The following TMEM266 variants were observed in gnomAD, a reference collection of about 807,000 sequenced individuals.
TMEM266 encodes Hv1 related protein 1.
Under a neutral mutation model 50.5 loss-of-function variants are expected in TMEM266, and 33 were observed. The ratio of observed to expected loss-of-function variants is 0.65; its 90% confidence interval spans 0.50 to 0.87. The LOEUF is 0.87. Ranked by LOEUF, TMEM266 falls within the 40% of genes least tolerant of loss-of-function variation. The probability of loss-of-function intolerance (pLI) is 0.00; values close to 1 mark genes in which losing one functional copy is unlikely to be tolerated. For missense variants in TMEM266, 655 were observed against 695.1 expected (o/e 0.94, Z 0.65); for synonymous variants, 310 against 292.3 (o/e 1.06, Z -0.62).
chr15:76,189,921 A>G (rs946074007), intron 8 of TMEM266, among the ~76,000 whole-genome samples: 9 of 152,218 alleles, frequency 5.9e-5, no homozygotes, highest in Non-Finnish European at 1.2e-4. Flanking sequence ...AGCCTCAGGC[A>G]GGAAGCTGAA....
chr15:76,148,381 C>T (rs2037788268), intron 3 of TMEM266, among the ~76,000 whole-genome samples: 1 of 152,134 alleles, frequency 6.6e-6, no homozygotes, highest in South Asian at 2.1e-4. Flanking sequence ...CGTTCTCACC[C>T]GGTAGGAAGC....
chr15:76,175,143 G>T, intron 7 of TMEM266: 1 of 171,304 alleles, frequency 5.8e-6, no homozygotes, highest in Non-Finnish European at 1.2e-5. Flanking sequence ...AGTGTGTGCA[G>T]GCTCCAGGGC....
chr15:76,085,244 C>T (rs1177857773), intron 1 of TMEM266, among the ~76,000 whole-genome samples: 1 of 151,728 alleles, frequency 6.6e-6, no homozygotes, highest in African/African-American at 2.4e-5. Flanking sequence ...CAGGCTTGAG[C>T]CACCGCGCCC....
At chr15:76,126,006 T>C (rs527763784) in intron 1 of TMEM266, among the ~76,000 whole-genome samples, 3 of 152,074 alleles carry the variant, frequency 2.0e-5, no homozygotes, top group Admixed American at 2.0e-4. Flanking sequence ...CAGTGAGATA[T>C]CACCTCACAC....
At chr15:76,143,033 T>C (rs2037703997) in intron 3 of TMEM266, among the ~76,000 whole-genome samples, 1 of 152,132 alleles carries the variant, frequency 6.6e-6, no homozygotes, top group Non-Finnish European at 1.5e-5. Context: ...GATGACCTCC[T>C]CTCCCAGTAC....
At chr15:76,175,057 T>G (rs1368700262) in intron 7 of TMEM266, 2 of 153,596 alleles carry the variant, frequency 1.3e-5, no homozygotes, top group Non-Finnish European at 2.9e-5. Context: ...CTGGGTCATA[T>G]GGTCACTCTC....
intron 4 of TMEM266, among the ~76,000 whole-genome samples, chr15:76,158,665 TA>T (rs368172133): frequency 6.6e-6 from 1 of 152,114 alleles, no homozygotes; most frequent in African/African-American, 2.4e-5. Context: ...AAGCAAACCG[TA>T]AAAAAAGGCA....
At chr15:76,158,995 A>G (rs1673650341) in intron 4 of TMEM266, among the ~76,000 whole-genome samples, 2 of 151,038 alleles carry the variant, frequency 1.3e-5, no homozygotes, top group South Asian at 4.2e-4. Context: ...TCCCTGCTGA[A>G]GGCACTGGGC....
intron 1 of TMEM266, among the ~76,000 whole-genome samples, chr15:76,083,935 G>A (rs955253361): frequency 2.6e-5 from 4 of 152,118 alleles, no homozygotes; most frequent in African/African-American, 9.7e-5. Context: ...TTAGGATGGG[G>A]TCAGGCTCTG....
chr15:76,114,058 G>A (rs148944753), intron 1 of TMEM266: 5 of 152,314 alleles, frequency 3.3e-5, no homozygotes, highest in African/African-American at 1.2e-4. Flanking sequence ...CCCTTTATCA[G>A]TACTTCTCTT....
chr15:76,129,111 C>A (rs1332091115), intron 1 of TMEM266, among the ~76,000 whole-genome samples: 2 of 152,128 alleles, frequency 1.3e-5, no homozygotes, highest in Non-Finnish European at 2.9e-5. Flanking sequence ...GAAAAAGGGA[C>A]AACAAAATTA....
chr15:76,136,662 T>G (rs1353862743), intron 2 of TMEM266, among the ~76,000 whole-genome samples: 1 of 152,200 alleles, frequency 6.6e-6, no homozygotes, highest in Non-Finnish European at 1.5e-5. Flanking sequence ...GGCACAAGAC[T>G]GAGCCCCTCA....
chr15:76,112,655 A>G (rs2037187403), intron 1 of TMEM266: 1 of 152,090 alleles, frequency 6.6e-6, no homozygotes, highest in South Asian at 2.1e-4. Flanking sequence ...GATTATTGAG[A>G]CTTTTTGAAT....
rs954199782 is a variant in TMEM266, at chr15:76,153,919, G to C, written c.228-2685G>C. Among the ~76,000 whole-genome samples, 11 of 152,186 alleles carry C rather than the reference G, an allele frequency of 7.2e-5. No homozygotes were observed. The highest frequency in any genetic ancestry group is 2.7e-4 in the African/African-American group (11 of 41,446). Reference sequence around the variant, plus strand: ...AGCTTTAGGCTTCTGGGAGCCTCCAGCCCAGCAGGGCCAAAGCTGTCATCT... The same window carrying C: ...AGCTTTAGGCTTCTGGGAGCCTCCACCCCAGCAGGGCCAAAGCTGTCATCT... On this transcript the variant is annotated intron_variant, in intron 3 of 10. Coordinates refer to ENST00000388942, the MANE Select transcript of TMEM266 (RefSeq NM_152335.3). This position sits in a 1 kb window ranked among gnomAD's most constrained non-coding sequence, Gnocchi z 4.2.
chr15:76,140,871 CAAAAA>C (rs3068699), intron 3 of TMEM266, among the ~76,000 whole-genome samples: 1 of 133,460 alleles, frequency 7.5e-6, no homozygotes, highest in African/African-American at 2.6e-5. Flanking sequence ...CCCATCTCTA[CAAAAA>C]AAAAAAAAAA....
At chr15:76,183,011 C>T (rs888041184) in intron 8 of TMEM266, among the ~76,000 whole-genome samples, 10 of 149,670 alleles carry the variant, frequency 6.7e-5, no homozygotes, top group Non-Finnish European at 1.3e-4. Flanking sequence ...TCACTCTCAT[C>T]ATACTCCAAT....
At chr15:76,086,987 A>G (rs1003344680) in intron 1 of TMEM266, among the ~76,000 whole-genome samples, 1 of 151,666 alleles carries the variant, frequency 6.6e-6, no homozygotes, top group Non-Finnish European at 1.5e-5. Flanking sequence ...TTACTTGGGC[A>G]TGGAAAGTTG....
At chr15:76,165,574 T>A (rs2038081691) in intron 5 of TMEM266, among the ~76,000 whole-genome samples, 1 of 152,278 alleles carries the variant, frequency 6.6e-6, no homozygotes. Flanking sequence ...TCAAAGGCCT[T>A]TGCAACTTTT....
At chr15:76,068,589 A>T (rs1448352509) in intron 1 of TMEM266, among the ~76,000 whole-genome samples, 1 of 152,218 alleles carries the variant, frequency 6.6e-6, no homozygotes, top group Admixed American at 6.5e-5. Flanking sequence ...TCGGTCCCTA[A>T]TCTGATAGTA....
Sources: allele counts gnomAD v4.1 joint callset (sites outside exome capture counted in the v4.1 genomes callset), GRCh38; gene constraint gnomAD v4.1.1; non-coding constraint Gnocchi (gnomAD v3.1); transcripts MANE v1.5; gene names NCBI Gene and HGNC (gene_info 2026-07-23, HGNC 2026-07-21).